Variants in DMBT1 observed in about 807,000 individuals in gnomAD.
DMBT1 encodes deleted in malignant brain tumors 1, also known as scavenger receptor cysteine-rich domain-containing protein DMBT1.
A neutral mutation model predicts 252.9 loss-of-function variants in DMBT1; 198 were observed. That is an observed-to-expected ratio of 0.78 (90% CI 0.70 to 0.88). DMBT1 has a LOEUF of 0.88. DMBT1 is among the 40% of genes least tolerant of loss of function. DMBT1 has a pLI of 0.00. For missense variants in DMBT1, 2,432 were observed against 2,404.7 expected, an observed-to-expected ratio of 1.01 and a Z score of -0.24; for synonymous variants, 990 against 942.7, an observed-to-expected ratio of 1.05 and a Z score of -0.92.
intron 6 of DMBT1, 111 bp downstream of exon 6, chr10:122,573,873 C>G: frequency 5.3e-6 from 7 of 1,331,540 alleles, no homozygotes; most frequent in Non-Finnish European, 7.5e-6. Context: ...TGCTTAGCTC[C>G]CACGAGGGGC....
chr10:122,621,359 G>C lies in DMBT1; in HGVS notation c.5587G>C (p.Asp1863His). 1 of 1,613,870 alleles carries C rather than the reference G, an allele frequency of 6.2e-7. No homozygotes were observed. The highest frequency in any genetic ancestry group is 1.1e-5 in the South Asian group (1 of 91,078). ...CACCCACAACTGTGGCCATCACGAA[G>C]ACGCTGGTGTCATCTGCTCAGGTGG... ...WLTHNCGHHEDAGVICSATQI... is the reference protein window; with the variant it reads ...WLTHNCGHHEHAGVICSATQI... Residue 1863 changes from aspartate (D) to histidine (H), a missense_variant, in exon 44 of 56, where the codon GAC becomes CAC. Around this residue, in one of 3 missense-constraint regions of DMBT1, gnomAD observed 1,162 missense variants for 1,169.0 expected, o/e 0.99. Transcript: ENST00000338354.
chr10:122,592,049 C>A (rs749192005), intron 19 of DMBT1, among the ~76,000 whole-genome samples: 1 of 148,502 alleles, frequency 6.7e-6, no homozygotes, highest in Non-Finnish European at 1.5e-5. Flanking sequence ...CCACTGGGGT[C>A]ACAGGCGCTT....
chr10:122,589,149 C>T lies in DMBT1; in HGVS notation c.1989C>T (p.Pro663=). The T allele has an allele frequency of 6.3e-7, 1 of 1,588,498 alleles. No individual in the cohort carries two copies. Among genetic ancestry groups the T allele is most frequent in the Non-Finnish European group, 8.6e-7 (1 of 1,165,748 alleles). ...GNARFGQGSG[P]IVLDDVRCSG... is the part of the protein sequence containing the mutation. ...CCCGGTTTGGTCAGGGCTCAGGACCCATTGTCCTGGATGATGTGCGCTGCT... is the reference window on the plus strand; with the variant it reads ...CCCGGTTTGGTCAGGGCTCAGGACCTATTGTCCTGGATGATGTGCGCTGCT... Residue 663 remains proline, a synonymous_variant, in exon 17 of 56, where the codon CCC becomes CCT. Coordinates refer to ENST00000338354, the MANE Select transcript of DMBT1 (RefSeq NM_001377530.1).
intron 9 of DMBT1, 147 bp downstream of exon 9, chr10:122,578,906 T>C: frequency 1.3e-6 from 1 of 755,836 alleles, no homozygotes; most frequent in Non-Finnish European, 2.3e-6. Context: ...AACAGTTGGC[T>C]CAAGAGTCAG....
chr10:122,619,461 A>C (rs905666980), intron 42 of DMBT1, 124 bp downstream of exon 42: 2 of 1,295,348 alleles, frequency 1.5e-6, no homozygotes, highest in Non-Finnish European at 2.2e-6. Flanking sequence ...TTTTCCTCCC[A>C]CCACTCTGTA....
intron 4 of DMBT1, among the ~76,000 whole-genome samples, chr10:122,571,321 A>T: frequency 6.6e-6 from 1 of 152,080 alleles, no homozygotes; most frequent in South Asian, 2.1e-4. Context: ...TGATGGAATC[A>T]CCTTGTGGAC....
chr10:122,630,674 G>A (rs2098156074), intron 48 of DMBT1, among the ~76,000 whole-genome samples, 184 bp downstream of exon 48: 1 of 152,180 alleles, frequency 6.6e-6, no homozygotes. Flanking sequence ...CAGACTGGGG[G>A]TTCCACCTGG....
At chr10:122,567,742 C>T (rs899742154) in intron 2 of DMBT1, among the ~76,000 whole-genome samples, 1 of 152,150 alleles carries the variant, frequency 6.6e-6, no homozygotes, top group South Asian at 2.1e-4. Context: ...TTATTGACTT[C>T]CCAGCATGGC....
At chr10:122,577,658 C>A (rs1200091963) in intron 7 of DMBT1, among the ~76,000 whole-genome samples, 153 bp from the exon 8 acceptor site, 1 of 152,150 alleles carries the variant, frequency 6.6e-6, no homozygotes, top group Non-Finnish European at 1.5e-5. Flanking sequence ...CCCTGAGGGA[C>A]CGAGGGCTTC....
chr10:122,617,444 G>A (rs1591451443), intron 40 of DMBT1, among the ~76,000 whole-genome samples, 184 bp downstream of exon 40: 1 of 151,398 alleles, frequency 6.6e-6, no homozygotes, highest in Admixed American at 6.6e-5. Flanking sequence ...GAGGGTGCTG[G>A]TGACTGTCTC....
intron 3 of DMBT1, among the ~76,000 whole-genome samples, chr10:122,570,583 C>G (rs1317849872): frequency 2.6e-5 from 4 of 152,194 alleles, no homozygotes; most frequent in Non-Finnish European, 5.9e-5. Flanking sequence ...AGCCAGATAT[C>G]TTTTGACATT....
chr10:122,585,468 G>C (rs775231923), intron 15 of DMBT1, among the ~76,000 whole-genome samples, 159 bp downstream of exon 15: 1 of 147,828 alleles, frequency 6.8e-6, no homozygotes, highest in Admixed American at 6.7e-5. Flanking sequence ...ACCCAGCTGT[G>C]GGTCTGATGT....
chr10:122,624,030 C>T (rs895727442), intron 44 of DMBT1, among the ~76,000 whole-genome samples: 1 of 152,182 alleles, frequency 6.6e-6, no homozygotes, highest in Non-Finnish European at 1.5e-5. Context: ...TTGAAAGTGA[C>T]TCAGGAATAA....
intron 55 of DMBT1, 125 bp downstream of exon 55, chr10:122,640,574 G>GAAGT: frequency 9.4e-7 from 1 of 1,063,096 alleles, no homozygotes; most frequent in Non-Finnish European, 1.3e-6. Flanking sequence ...AGCTTAACTG[G>GAAGT]ATCCCTTTCT....
At chr10:122,593,728 G>T in intron 21 of DMBT1, 130 bp downstream of exon 21, 1 of 1,302,820 alleles carries the variant, frequency 7.7e-7, no homozygotes, top group Non-Finnish European at 1.1e-6. Flanking sequence ...CCCCAACACC[G>T]GCTGTGTAAC....
At chr10:122,619,366 G>C (rs368863041) in intron 42 of DMBT1, 29 bp downstream of exon 42, 5 of 1,613,836 alleles carry the variant, frequency 3.1e-6, no homozygotes, top group Non-Finnish European at 4.2e-6. Context: ...TCATCGGGAT[G>C]TCCCTTCTCT....
intron 46 of DMBT1, among the ~76,000 whole-genome samples, chr10:122,628,805 G>A (rs112352190): frequency 0.012 from 1,861 of 152,252 alleles, 39 homozygotes; most frequent in African/African-American, 0.042. Context: ...GTAGATCAGT[G>A]GGTGCCAGGA....
chr10:122,568,887 T>C (rs2097630964), intron 2 of DMBT1, among the ~76,000 whole-genome samples: 2 of 152,226 alleles, frequency 1.3e-5, no homozygotes, highest in South Asian at 4.1e-4. Flanking sequence ...ACAGGGAAGA[T>C]GCTGGTGTCA....
chr10:122,634,660 C>T lies in DMBT1; in HGVS notation c.6548+1319C>T, dbSNP rs944315316. ...TACAGGCACACGCCACAATGCCTGG[C>T]TAATTTTTGTATTTTTATTAGAGAC... On this transcript the variant is annotated intron_variant, in intron 52 of 55. Transcript: ENST00000338354. 2.0e-5 allele frequency among the ~76,000 whole-genome samples: 3 copies of T among 151,942 alleles called. No homozygotes were observed. In the East Asian group the frequency reaches 5.8e-4, roughly 29 times the overall value.
Sources: gnomAD v4.1 joint callset for allele counts (sites outside exome capture counted in the v4.1 genomes callset) on GRCh38, gnomAD v4.1.1 for gene constraint, gnomAD v4.1.1 regional missense constraint, MANE v1.5 for transcripts, NCBI Gene and HGNC (gene_info 2026-07-23, HGNC 2026-07-21) for gene names.